Variants in ASTN2 observed in about 807,000 individuals in gnomAD.
ASTN2 encodes astrotactin-2.
Under a neutral mutation model 139.8 loss-of-function variants are expected in ASTN2, and 54 were observed. The ratio of observed to expected loss-of-function variants is 0.39; its 90% CI spans 0.31 to 0.48. The LOEUF (loss-of-function observed/expected upper bound fraction) is 0.48, where lower values mean the gene tolerates loss of function less well. Among genes scored for constraint, ASTN2 ranks in the 20% least tolerant of loss-of-function variants. The probability of loss-of-function intolerance (pLI) is 0.95; values close to 1 mark genes in which losing one functional copy is unlikely to be tolerated. For synonymous variants in ASTN2, 756 were observed against 719.5 expected (o/e 1.05, Z -0.81); for missense variants, 1,565 against 1,725.1 (o/e 0.91, Z 1.64).
intron 13 of ASTN2, among the ~76,000 whole-genome samples, chr9:116,736,086 A>G (rs918506994): frequency 1.3e-5 from 2 of 152,242 alleles, no homozygotes; most frequent in African/African-American, 4.8e-5. Flanking sequence ...TAAAGCCACA[A>G]GGCTGGGAAG....
intron 19 of ASTN2, among the ~76,000 whole-genome samples, chr9:116,596,808 A>G (rs920434819): frequency 6.6e-5 from 10 of 152,214 alleles, no homozygotes; most frequent in Admixed American, 6.5e-4. Context: ...AATGGGATTA[A>G]GACTCACGTG....
chr9:116,516,941 T>C (rs1172602888), intron 19 of ASTN2, among the ~76,000 whole-genome samples: 1 of 152,160 alleles, frequency 6.6e-6, no homozygotes, highest in Non-Finnish European at 1.5e-5. Flanking sequence ...CCATACCCCA[T>C]TCCCCACAGC....
chr9:116,803,516 ATATATATTTTT>A (rs1384722361), intron 13 of ASTN2, among the ~76,000 whole-genome samples: 20 of 4,528 alleles, frequency 4.4e-3, no homozygotes, highest in Admixed American at 0.016. Context: ...ATATATATAT[ATATATATTTTT>A]TTTTTTTTTT....
At chr9:117,232,087 A>G (rs75108345) in intron 2 of ASTN2, among the ~76,000 whole-genome samples, 1,666 of 152,148 alleles carry the variant, frequency 0.011, 20 homozygotes, top group Middle Eastern at 0.024. Context: ...TACAAAAGCC[A>G]CCCAGGGTAA....
At chr9:117,257,259 C>G (rs1411912576) in intron 2 of ASTN2, among the ~76,000 whole-genome samples, 1 of 152,110 alleles carries the variant, frequency 6.6e-6, no homozygotes, top group Non-Finnish European at 1.5e-5. Context: ...GTTTGGGGAA[C>G]AGGGACACAC....
intron 10 of ASTN2, among the ~76,000 whole-genome samples, chr9:116,922,023 T>C (rs1834626793): frequency 6.6e-6 from 1 of 152,110 alleles, no homozygotes; most frequent in African/African-American, 2.4e-5. Context: ...CATATCACCA[T>C]CTCCTACTTC....
intron 10 of ASTN2, among the ~76,000 whole-genome samples, chr9:116,966,137 C>T (rs1836005114): frequency 1.3e-5 from 2 of 152,194 alleles, no homozygotes; most frequent in Admixed American, 6.5e-5. Flanking sequence ...CGTGTCTCAA[C>T]ATCAGAAGTC....
In ASTN2 at chr9:116,752,605, G is replaced by C. The variant is rs544843323; in HGVS notation, c.2397-19082C>G. On this transcript the variant is annotated intron_variant, in intron 13 of 22. Coordinates refer to ENST00000313400, the MANE Select transcript of ASTN2 (RefSeq NM_001365068.1). ...AATGAAAAGACACGCTATAGACTGG[G>C]AATATTTACAAAACATACATCTGCT... Among the ~76,000 whole-genome samples, 124 of 152,144 alleles carry C rather than the reference G, an allele frequency of 8.2e-4. 1 individual carries two copies. Among genetic ancestry groups the C allele is most frequent in the African/African-American group, 2.8e-3 (115 of 41,532 alleles).
intron 2 of ASTN2, among the ~76,000 whole-genome samples, chr9:117,267,506 T>G (rs1164318937): frequency 6.6e-6 from 1 of 152,218 alleles, no homozygotes; most frequent in Non-Finnish European, 1.5e-5. Flanking sequence ...ATATACTATG[T>G]TTATGAAAGA....
At chr9:117,111,228 G>A (rs1829240742) in intron 4 of ASTN2, among the ~76,000 whole-genome samples, 2 of 152,140 alleles carry the variant, frequency 1.3e-5, no homozygotes, top group South Asian at 2.1e-4. Context: ...TCATTCCCAA[G>A]GGAAAAGACA....
chr9:116,802,111 T>C (rs1830878937), intron 13 of ASTN2, among the ~76,000 whole-genome samples: 1 of 139,646 alleles, frequency 7.2e-6, no homozygotes, highest in Non-Finnish European at 1.5e-5. Flanking sequence ...TTTTTTGACA[T>C]GGAGTCTTGC....
At chr9:116,445,687 G>T (rs948358995) in intron 20 of ASTN2, among the ~76,000 whole-genome samples, 1 of 152,192 alleles carries the variant, frequency 6.6e-6, no homozygotes, top group Non-Finnish European at 1.5e-5. Context: ...TCTTTGGGAA[G>T]TCACTTCGCC....
At position 117,214,483 on chromosome 9, in the gene ASTN2, T is replaced by G; in HGVS notation, c.890A>C (p.Glu297Ala). Residue 297 changes from glutamate (E) to alanine (A), a missense_variant, in exon 3 of 23, where the codon GAG (glutamate) becomes GCG (alanine). Glu to Ala is a moderately radical substitution (Grantham distance 107). Transcript: ENST00000313400. ...GGCCCGCCTAGGTGGCTCCTCATCC[T>G]CCTCACAGTCATAGTCATCCAGGAT... ...TPILDDYDCE[E>A]DEEPPRRANH... 6.2e-7 allele frequency: 1 copy of G among 1,614,164 alleles called. No individual in the cohort carries two copies. Among genetic ancestry groups the G allele is most frequent in the Non-Finnish European group, 8.5e-7 (1 of 1,180,014 alleles).
At chr9:116,773,260 C>T (rs1830000932) in intron 13 of ASTN2, among the ~76,000 whole-genome samples, 1 of 152,178 alleles carries the variant, frequency 6.6e-6, no homozygotes, top group Non-Finnish European at 1.5e-5. Context: ...TGGATCCCAA[C>T]TCTGAGCTAA....
intron 20 of ASTN2, among the ~76,000 whole-genome samples, chr9:116,472,125 A>T (rs1799376697): frequency 6.6e-6 from 1 of 152,024 alleles, no homozygotes. Context: ...TCTATAACCC[A>T]ACTGTGGCCT....
intron 16 of ASTN2, among the ~76,000 whole-genome samples, chr9:116,711,178 C>T (rs943504031): frequency 6.6e-6 from 1 of 152,214 alleles, no homozygotes; most frequent in Non-Finnish European, 1.5e-5. Flanking sequence ...GTGTATTCCT[C>T]CTTTCTGCTC....
intron 19 of ASTN2, among the ~76,000 whole-genome samples, chr9:116,513,288 G>T (rs1850485596): frequency 6.6e-6 from 1 of 152,126 alleles, no homozygotes; most frequent in East Asian, 1.9e-4. Context: ...ATGAAATTCT[G>T]GGTGGAAAAT....
chr9:116,602,007 T>C (rs1251716284), intron 19 of ASTN2, among the ~76,000 whole-genome samples: 2 of 152,134 alleles, frequency 1.3e-5, no homozygotes, highest in Non-Finnish European at 2.9e-5. Flanking sequence ...GAGGCTAAGT[T>C]GGTGTTAGAG....
chr9:116,673,664 C>T (rs1203763948), intron 16 of ASTN2, among the ~76,000 whole-genome samples: 1 of 152,146 alleles, frequency 6.6e-6, no homozygotes, highest in Non-Finnish European at 1.5e-5. Flanking sequence ...TGAAGTTATG[C>T]TCACACAAGG....
Sources: allele counts gnomAD v4.1 joint callset (sites outside exome capture counted in the v4.1 genomes callset), GRCh38; gene constraint gnomAD v4.1.1; transcripts MANE v1.5; gene names NCBI Gene and HGNC (gene_info 2026-07-23, HGNC 2026-07-21).